The following KCNH1 variants were observed in gnomAD, a reference collection of about 807,000 sequenced individuals.
KCNH1 encodes the protein potassium voltage-gated channel subfamily H member 1.
In KCNH1, 27 loss-of-function variants were observed where a neutral mutation model predicts 69.2. That is an observed-to-expected ratio of 0.39 (90% CI 0.29 to 0.54). The LOEUF (loss-of-function observed/expected upper bound fraction) is 0.54, where lower values mean the gene tolerates loss of function less well. Ranked by LOEUF, KCNH1 falls within the 20% of genes least tolerant of loss-of-function variation. KCNH1 has a pLI of 0.68. For missense variants in KCNH1, 798 were observed against 1,261.6 expected (o/e 0.63, Z 5.57); for synonymous variants, 456 against 487.7 (o/e 0.93, Z 0.86).
At chr1:210,917,263 GAAAGAAAGAAAGAAAGA>G (rs1687362408) in intron 7 of KCNH1, among the ~76,000 whole-genome samples, 2 of 145,598 alleles carry the variant, frequency 1.4e-5, no homozygotes, top group African/African-American at 5.2e-5. Context: ...AAGAAAGAAA[GAAAGAAAGAAAGAAAGA>G]AAAGAAAAGA....
chr1:210,710,632 C>A (rs1290392381), intron 10 of KCNH1, among the ~76,000 whole-genome samples: 1 of 152,118 alleles, frequency 6.6e-6, no homozygotes, highest in Non-Finnish European at 1.5e-5. Flanking sequence ...ATCTTCTTAT[C>A]CCTATTTTAC....
intron 9 of KCNH1, among the ~76,000 whole-genome samples, chr1:210,787,289 C>T (rs965606881): frequency 6.6e-6 from 1 of 152,112 alleles, no homozygotes. Flanking sequence ...GAATTCAGCT[C>T]AGACATCAGC....
chr1:211,065,654 A>G (rs765372725), intron 5 of KCNH1, among the ~76,000 whole-genome samples: 2 of 152,224 alleles, frequency 1.3e-5, no homozygotes, highest in Non-Finnish European at 2.9e-5. Flanking sequence ...ACACAAAAAT[A>G]TAAGTATGTG....
rs189417994 is a variant in KCNH1, at chr1:210,986,325, T to A, written c.1032+32458A>T. 2.6e-5 allele frequency among the ~76,000 whole-genome samples: 4 copies of A among 152,346 alleles called. No individual in the cohort carries two copies. The East Asian group carries it at 7.7e-4, about 29-fold the overall frequency. Reference sequence around the variant, plus strand: ...TTATGTGTGAATTTGATCCTGTCATTATGATGTTAGCTGATTATTTTGCTC... The same window carrying A: ...TTATGTGTGAATTTGATCCTGTCATAATGATGTTAGCTGATTATTTTGCTC... On this transcript the variant is annotated intron_variant, in intron 6 of 10. Transcript: ENST00000271751.
intron 10 of KCNH1, among the ~76,000 whole-genome samples, chr1:210,694,395 CTT>C (rs1254717893): frequency 2.0e-5 from 3 of 152,090 alleles, no homozygotes; most frequent in Non-Finnish European, 4.4e-5. Context: ...TGACAGGTAT[CTT>C]ATCCTGGGTA....
chr1:210,997,326 T>G (rs1002703362), intron 6 of KCNH1, among the ~76,000 whole-genome samples: 1 of 152,274 alleles, frequency 6.6e-6, no homozygotes, highest in Admixed American at 6.5e-5. Context: ...AAGGAGCTGA[T>G]GCAGCTGAAA....
At chr1:211,095,660 G>A (rs964272938) in intron 3 of KCNH1, among the ~76,000 whole-genome samples, 6 of 152,236 alleles carry the variant, frequency 3.9e-5, no homozygotes, top group South Asian at 2.1e-4. Flanking sequence ...GACCATATTC[G>A]ACAGCAATGG....
chr1:211,055,187 C>G (rs1286126795), intron 5 of KCNH1, among the ~76,000 whole-genome samples: 1 of 152,126 alleles, frequency 6.6e-6, no homozygotes, highest in Non-Finnish European at 1.5e-5. Context: ...CTGTAAATTG[C>G]CTATACCACC....
intron 10 of KCNH1, among the ~76,000 whole-genome samples, chr1:210,688,065 T>C (rs1681445054): frequency 1.3e-5 from 2 of 152,182 alleles, no homozygotes; most frequent in Non-Finnish European, 2.9e-5. Context: ...CACTGCAATG[T>C]TAAATGGGTT....
At chr1:211,089,134 A>G (rs1398202757) in intron 4 of KCNH1, among the ~76,000 whole-genome samples, 1 of 152,202 alleles carries the variant, frequency 6.6e-6, no homozygotes, top group African/African-American at 2.4e-5. Context: ...TTTTTAAGAG[A>G]AAAATTGCAA....
chr1:210,746,361 AGAGGCTCTG>A (rs1412841718), intron 10 of KCNH1, among the ~76,000 whole-genome samples: 1 of 152,140 alleles, frequency 6.6e-6, no homozygotes, highest in East Asian at 1.9e-4. Flanking sequence ...ATGAGGAAAT[AGAGGCTCTG>A]GAGGTGATGA....
intron 7 of KCNH1, among the ~76,000 whole-genome samples, chr1:210,886,758 A>G (rs1574317944): frequency 6.6e-6 from 1 of 152,126 alleles, no homozygotes; most frequent in South Asian, 2.1e-4. Context: ...ATACACAAGT[A>G]TCAGTAACTG....
chr1:211,095,755 C>A (rs1054501451), intron 3 of KCNH1, among the ~76,000 whole-genome samples: 3 of 152,082 alleles, frequency 2.0e-5, no homozygotes, highest in African/African-American at 7.2e-5. Context: ...GGTAGCCTAC[C>A]CCAGGAAACA....
intron 8 of KCNH1, among the ~76,000 whole-genome samples, chr1:210,799,594 C>A (rs1684391240): frequency 6.6e-6 from 1 of 152,138 alleles, no homozygotes; most frequent in Non-Finnish European, 1.5e-5. Context: ...AGTATGGACA[C>A]CTTCAAGCAA....
chr1:210,903,431 C>T (rs1223605147), intron 7 of KCNH1, among the ~76,000 whole-genome samples: 1 of 152,128 alleles, frequency 6.6e-6, no homozygotes, highest in Admixed American at 6.6e-5. Flanking sequence ...GGGCTCATGG[C>T]CTCTTAATGT....
At chr1:210,826,355 C>T (rs1485007292) in intron 7 of KCNH1, among the ~76,000 whole-genome samples, 1 of 152,130 alleles carries the variant, frequency 6.6e-6, no homozygotes, top group Non-Finnish European at 1.5e-5. Context: ...TGGTTCTCTC[C>T]CATCCCCATC....
At chr1:210,982,007 C>T (rs73073446) in intron 6 of KCNH1, among the ~76,000 whole-genome samples, 3,317 of 152,062 alleles carry the variant, frequency 0.022, 106 homozygotes, top group African/African-American at 0.076. Context: ...TAATCCTCCC[C>T]CTCCCAAAAA....
chr1:211,094,921 A>G (rs950086745), intron 3 of KCNH1, among the ~76,000 whole-genome samples: 3 of 152,216 alleles, frequency 2.0e-5, no homozygotes, highest in African/African-American at 7.2e-5. Context: ...AAGATTCAAT[A>G]TATGAAACAG....
chr1:210,687,199 G>C (rs2149002967), intron 10 of KCNH1, among the ~76,000 whole-genome samples: 1 of 152,354 alleles, frequency 6.6e-6, no homozygotes. Context: ...CCAAGAGGCT[G>C]TACAGCAAAG....
Sources: allele counts gnomAD v4.1 joint callset (sites outside exome capture counted in the v4.1 genomes callset), GRCh38; gene constraint gnomAD v4.1.1; transcripts MANE v1.5; gene names NCBI Gene and HGNC (gene_info 2026-07-23, HGNC 2026-07-21).